PALM2AKAP2: variants seen among roughly 807,000 people sequenced by gnomAD.
PALM2AKAP2 encodes PALM2-AKAP2 fusion protein.
In PALM2AKAP2, 37 loss-of-function variants were observed where a neutral mutation model predicts 71.5. That is an observed-to-expected ratio of 0.52 (90% CI 0.40 to 0.68). The LOEUF (loss-of-function observed/expected upper bound fraction) is 0.68. Ranked by LOEUF, PALM2AKAP2 falls within the 30% of genes least tolerant of loss-of-function variation. PALM2AKAP2 has a pLI of 0.00. For missense variants in PALM2AKAP2, 1,224 were observed against 1,191.8 expected (o/e 1.03, Z -0.40); for synonymous variants, 468 against 478.8 (o/e 0.98, Z 0.29).
At chr9:109,720,403 A>G (rs1366268669) in intron 1 of PALM2AKAP2, among the ~76,000 whole-genome samples, 1 of 152,180 alleles carries the variant, frequency 6.6e-6, no homozygotes, top group Non-Finnish European at 1.5e-5. Context: ...ATTCTGAGAT[A>G]CCTCTGAAGC....
intron 1 of PALM2AKAP2, among the ~76,000 whole-genome samples, chr9:110,083,107 C>T (rs1174853330): frequency 6.6e-6 from 1 of 152,148 alleles, no homozygotes; most frequent in East Asian, 1.9e-4. Context: ...CGCCATTGCA[C>T]TCCAGCCTGG....
At chr9:109,961,512 G>A (rs1010169882) in intron 6 of PALM2AKAP2, among the ~76,000 whole-genome samples, 3 of 89,680 alleles carry the variant, frequency 3.3e-5, no homozygotes, top group South Asian at 6.2e-4. Flanking sequence ...TGGCCACTTA[G>A]AAGAAAGATT....
At chr9:109,719,684 A>T (rs549665297) in intron 1 of PALM2AKAP2, among the ~76,000 whole-genome samples, 2 of 152,322 alleles carry the variant, frequency 1.3e-5, no homozygotes, top group African/African-American at 4.8e-5. Context: ...CTGCTTTATG[A>T]TGTGGCATAC....
At chr9:110,020,415 G>T (rs1173183654) in intron 7 of PALM2AKAP2, among the ~76,000 whole-genome samples, 1 of 152,138 alleles carries the variant, frequency 6.6e-6, no homozygotes, top group Non-Finnish European at 1.5e-5. Flanking sequence ...GAGCATGGTG[G>T]CTAATGCCTG....
In PALM2AKAP2 at chr9:109,672,078, A is replaced by G. The variant is rs563569666; in HGVS notation, c.5+31212A>G. Among the ~76,000 whole-genome samples, 6 of 152,224 alleles carry G rather than the reference A, an allele frequency of 3.9e-5. No homozygotes were observed. In the South Asian group the frequency reaches 8.3e-4, roughly 21 times the overall value. ...GGATAGTTCAACTTCCTGTCTTCCT[A>G]TATGGATGCTCTTTATTTCTTTCTC... On this transcript the variant is annotated intron_variant, in intron 1 of 6. Coordinates refer to the PALM2AKAP2 transcript ENST00000374531.
At chr9:110,011,010 A>ATATATATAT (rs1417017283) in intron 6 of PALM2AKAP2, among the ~76,000 whole-genome samples, 38 of 88,934 alleles carry the variant, frequency 4.3e-4, no homozygotes, top group South Asian at 1.3e-3. Flanking sequence ...AAAAAAAAAA[A>ATATATATAT]AAAAATATAT....
intron 1 of PALM2AKAP2, among the ~76,000 whole-genome samples, chr9:109,666,591 G>T (rs1270857038): frequency 6.6e-6 from 1 of 152,148 alleles, no homozygotes; most frequent in African/African-American, 2.4e-5. Flanking sequence ...TCTCAGTTCT[G>T]GTGGGCTGAC....
intron 1 of PALM2AKAP2, among the ~76,000 whole-genome samples, chr9:109,805,765 G>A (rs935437646): frequency 6.6e-6 from 1 of 152,180 alleles, no homozygotes; most frequent in African/African-American, 2.4e-5. Context: ...AAAGTAGACC[G>A]GGTGACCTGT....
At chr9:109,962,888 C>G (rs1053717571) in intron 6 of PALM2AKAP2, among the ~76,000 whole-genome samples, 1 of 152,178 alleles carries the variant, frequency 6.6e-6, no homozygotes, top group African/African-American at 2.4e-5. Flanking sequence ...AGGTGATGCA[C>G]CCACCTCGGC....
At chr9:110,057,055 G>C (rs139407858) in intron 1 of PALM2AKAP2, among the ~76,000 whole-genome samples, 1 of 152,064 alleles carries the variant, frequency 6.6e-6, no homozygotes, top group East Asian at 1.9e-4. Flanking sequence ...TTGTCCTTGC[G>C]GTTCCCAGGC....
At chr9:110,103,261 G>A (rs1835043016) in intron 1 of PALM2AKAP2, among the ~76,000 whole-genome samples, 2 of 152,294 alleles carry the variant, frequency 1.3e-5, no homozygotes. Flanking sequence ...TCCACCCTGT[G>A]TCCCCGATGC....
At chr9:109,834,703 G>C (rs568027682) in intron 1 of PALM2AKAP2, among the ~76,000 whole-genome samples, 1 of 152,290 alleles carries the variant, frequency 6.6e-6, no homozygotes, top group African/African-American at 2.4e-5. Context: ...CACATGCTAG[G>C]CACTGTGTTG....
intron 1 of PALM2AKAP2, among the ~76,000 whole-genome samples, chr9:109,858,964 C>T (rs1829242780): frequency 6.6e-6 from 1 of 152,144 alleles, no homozygotes; most frequent in Non-Finnish European, 1.5e-5. Context: ...TAAGATATAA[C>T]CCATATGGGC....
intron 1 of PALM2AKAP2, among the ~76,000 whole-genome samples, chr9:110,114,209 C>T (rs1305844539): frequency 2.6e-5 from 4 of 152,222 alleles, no homozygotes; most frequent in African/African-American, 9.7e-5. Context: ...TTTCTCCTAG[C>T]TTCTCGTGGT....
At chr9:110,137,966 G>A (rs752491691) in exon 2 of PALM2AKAP2, 1 of 1,613,958 alleles carries the variant, frequency 6.2e-7, no homozygotes, top group Non-Finnish European at 8.5e-7. Flanking sequence ...GGTGCAGAAT[G>A]CCATTCAACA....
At position 109,673,613 on chromosome 9, in the gene PALM2AKAP2, C is replaced by T. The variant is rs541906632; in HGVS notation, c.5+32747C>T. Among the ~76,000 whole-genome samples, 5 of 152,058 alleles carry T rather than the reference C, an allele frequency of 3.3e-5. 1 individual carries two copies. The South Asian group carries it at 1.0e-3, about 32-fold the overall frequency. On this transcript the variant is annotated intron_variant, in intron 1 of 6. Coordinates refer to the PALM2AKAP2 transcript ENST00000374531. ...GAGTTCTGTAGATGTCTGTCATTTC[C>T]ATTTAATCGAGTGCTGAGTTTGGAT...
intron 1 of PALM2AKAP2, among the ~76,000 whole-genome samples, chr9:109,712,001 G>T (rs754724274): frequency 3.3e-4 from 46 of 138,752 alleles, no homozygotes; most frequent in Non-Finnish European, 6.7e-4. Context: ...GCTTGTGTGT[G>T]TGTGTGTGTG....
chr9:109,771,600 C>G (rs896668933), intron 1 of PALM2AKAP2, among the ~76,000 whole-genome samples: 5 of 152,192 alleles, frequency 3.3e-5, no homozygotes, highest in Admixed American at 6.5e-5. Flanking sequence ...AATTGACTAC[C>G]TGTTCTACAG....
intron 1 of PALM2AKAP2, among the ~76,000 whole-genome samples, chr9:109,700,083 A>G (rs899465520): frequency 1.3e-5 from 2 of 152,228 alleles, no homozygotes; most frequent in South Asian, 4.1e-4. Flanking sequence ...CTACTCTTAT[A>G]ATACATTAAA....
Sources: gnomAD v4.1 joint callset for allele counts (sites outside exome capture counted in the v4.1 genomes callset) on GRCh38, gnomAD v4.1.1 for gene constraint, MANE v1.5 for transcripts, NCBI Gene and HGNC (gene_info 2026-07-23, HGNC 2026-07-21) for gene names.